UVRAG: variants seen among roughly 807,000 people sequenced by gnomAD.
UVRAG encodes UV radiation resistance-associated gene protein.
A neutral mutation model predicts 78.0 loss-of-function variants in UVRAG; 19 were observed. That is an observed-to-expected ratio of 0.24 (90% CI 0.17 to 0.36). The LOEUF (loss-of-function observed/expected upper bound fraction) is 0.36, where lower values mean the gene tolerates loss of function less well. Ranked by LOEUF, UVRAG falls within the 10% of genes least tolerant of loss-of-function variation. UVRAG has a pLI of 1.00. For missense variants in UVRAG, 740 were observed against 853.8 expected (o/e 0.87, Z 1.66); for synonymous variants, 323 against 324.6 (o/e 1.00, Z 0.05).
intron 14 of UVRAG, among the ~76,000 whole-genome samples, chr11:76,130,353 A>G (rs904720521): frequency 1.3e-5 from 2 of 152,234 alleles, no homozygotes; most frequent in African/African-American, 2.4e-5. Flanking sequence ...AATAAATTCC[A>G]TTAAAACATG....
chr11:76,010,165 T>C (rs188948045), intron 11 of UVRAG, among the ~76,000 whole-genome samples: 104 of 152,340 alleles, frequency 6.8e-4, no homozygotes, highest in Non-Finnish European at 1.1e-3. Context: ...CGCATCATTT[T>C]CCTCATTGAT....
At chr11:76,035,211 T>G (rs1950511100) in intron 12 of UVRAG, among the ~76,000 whole-genome samples, 1 of 152,218 alleles carries the variant, frequency 6.6e-6, no homozygotes, top group Non-Finnish European at 1.5e-5. Context: ...CACCTCCTAA[T>G]ATTGAATTTG....
intron 7 of UVRAG, among the ~76,000 whole-genome samples, chr11:75,970,732 CAAAAA>C (rs59187207): frequency 1.5e-5 from 1 of 66,346 alleles, no homozygotes; most frequent in African/African-American, 4.8e-5. Context: ...GACTCCATCT[CAAAAA>C]AAAAAAAAAA....
intron 12 of UVRAG, among the ~76,000 whole-genome samples, chr11:76,037,758 A>G (rs1950564229): frequency 6.6e-6 from 1 of 152,090 alleles, no homozygotes; most frequent in South Asian, 2.1e-4. Flanking sequence ...GGAACCAGAT[A>G]ATGAGAGTTT....
chr11:75,961,592 A>G (rs1948912216), intron 7 of UVRAG, 43 bp downstream of exon 7: 1 of 1,454,480 alleles, frequency 6.9e-7, no homozygotes, highest in Non-Finnish European at 9.3e-7. Flanking sequence ...CTTGTTTTCT[A>G]AAGGAGAGTA....
chr11:75,825,240 C>G (rs1485936309), intron 1 of UVRAG, among the ~76,000 whole-genome samples: 3 of 151,952 alleles, frequency 2.0e-5, no homozygotes, highest in Non-Finnish European at 4.4e-5. Flanking sequence ...TCCCGAGTAG[C>G]CTCCCGAGTA....
intron 12 of UVRAG, among the ~76,000 whole-genome samples, chr11:76,064,663 C>T (rs1230478548): frequency 1.3e-5 from 2 of 152,028 alleles, no homozygotes; most frequent in East Asian, 1.9e-4. Flanking sequence ...GCCAGCAACT[C>T]CTGAGAATTT....
intron 11 of UVRAG, among the ~76,000 whole-genome samples, chr11:76,009,443 A>T (rs1170738421): frequency 1.3e-5 from 2 of 152,176 alleles, no homozygotes; most frequent in Non-Finnish European, 2.9e-5. Flanking sequence ...CTCTGCAAAT[A>T]TTCCAAAGAA....
chr11:76,061,426 C>T (rs1266669717), intron 12 of UVRAG, among the ~76,000 whole-genome samples: 1 of 152,136 alleles, frequency 6.6e-6, no homozygotes, highest in Non-Finnish European at 1.5e-5. Context: ...CTGGGGTCCC[C>T]TTCCACTCTG....
At chr11:75,898,753 G>T (rs1355412246) in intron 5 of UVRAG, among the ~76,000 whole-genome samples, 3 of 152,204 alleles carry the variant, frequency 2.0e-5, no homozygotes, top group Non-Finnish European at 4.4e-5. Flanking sequence ...TAGCGTCTTA[G>T]GGGGGCAAGT....
At chr11:75,929,661 G>A (rs1948191544) in intron 6 of UVRAG, among the ~76,000 whole-genome samples, 1 of 152,150 alleles carries the variant, frequency 6.6e-6, no homozygotes, top group African/African-American at 2.4e-5. Flanking sequence ...ATAATTCTGT[G>A]TTTAATTATT....
At chr11:76,076,004 CTT>C (rs1239807871) in intron 13 of UVRAG, among the ~76,000 whole-genome samples, 1 of 152,034 alleles carries the variant, frequency 6.6e-6, no homozygotes, top group Non-Finnish European at 1.5e-5. Flanking sequence ...AGTTGATAGA[CTT>C]TTGGGATGTT....
intron 5 of UVRAG, among the ~76,000 whole-genome samples, chr11:75,907,510 C>T (rs568575512): frequency 6.6e-6 from 1 of 151,278 alleles, no homozygotes; most frequent in South Asian, 2.1e-4. Flanking sequence ...TCCTTCCTTC[C>T]TTCTTTCTAT....
Position 75,936,284 on chromosome 11 carries a change from C to A in UVRAG, c.593+24245C>A, listed in dbSNP as rs769805144. 1.7e-4 allele frequency among the ~76,000 whole-genome samples: 26 copies of A among 152,286 alleles called. 1 individual carries two copies. Among genetic ancestry groups the A allele is most frequent in the South Asian group, 1.7e-3 (8 of 4,818 alleles). On this transcript the variant is annotated intron_variant, in intron 6 of 14. Transcript: ENST00000356136. ...ATCAGTAAGTATTTGTGGGGAGATA[C>A]ATTTTTAGATGATAAATGTCTCATT...
At chr11:75,877,852 C>T (rs1313901772) in intron 3 of UVRAG, among the ~76,000 whole-genome samples, 32 of 136,310 alleles carry the variant, frequency 2.3e-4, no homozygotes, top group Non-Finnish European at 8.0e-5. Context: ...GGCGGCTGGC[C>T]GGGCGGGGGG....
intron 6 of UVRAG, among the ~76,000 whole-genome samples, chr11:75,953,022 A>T (rs1284230489): frequency 6.6e-6 from 1 of 152,100 alleles, no homozygotes; most frequent in African/African-American, 2.4e-5. Flanking sequence ...ATTTAAGTTG[A>T]ATTTATTGGC....
intron 7 of UVRAG, among the ~76,000 whole-genome samples, chr11:75,980,725 A>G (rs1477657123): frequency 7.0e-6 from 1 of 143,568 alleles, no homozygotes; most frequent in African/African-American, 2.7e-5. Flanking sequence ...CTCGTTGCCC[A>G]GGCTGGAGTG....
intron 5 of UVRAG, among the ~76,000 whole-genome samples, chr11:75,898,704 C>T (rs940137549): frequency 1.3e-5 from 2 of 152,096 alleles, no homozygotes; most frequent in African/African-American, 4.8e-5. Context: ...TTTAATTTCA[C>T]TGTGATTATA....
intron 12 of UVRAG, among the ~76,000 whole-genome samples, chr11:76,018,565 C>T (rs1425944433): frequency 2.6e-5 from 4 of 152,036 alleles, no homozygotes; most frequent in African/African-American, 9.7e-5. Flanking sequence ...CGCACCAGCA[C>T]GCCCAGCTAA....
Sources: allele counts gnomAD v4.1 joint callset (sites outside exome capture counted in the v4.1 genomes callset), GRCh38; gene constraint gnomAD v4.1.1; transcripts MANE v1.5; gene names NCBI Gene and HGNC (gene_info 2026-07-23, HGNC 2026-07-21).